Variants in ZFHX3 observed in about 807,000 individuals in gnomAD.
ZFHX3 encodes zinc finger homeobox protein 3.
ZFHX3 carries 42 observed loss-of-function variants against 279.1 expected under a neutral mutation model. That is an observed-to-expected ratio of 0.15 (90% confidence interval 0.12 to 0.19). The LOEUF (loss-of-function observed/expected upper bound fraction) is 0.19, where lower values mean the gene tolerates loss of function less well. Ranked by LOEUF, ZFHX3 falls within the 10% of genes least tolerant of loss-of-function variation. The probability of loss-of-function intolerance (pLI) is 1.00; values close to 1 mark genes in which losing one functional copy is unlikely to be tolerated. For missense variants in ZFHX3, 4,981 were observed against 4,754.0 expected (o/e 1.05, Z -1.40); for synonymous variants, 2,293 against 1,957.8 (o/e 1.17, Z -4.52).
intron 5 of ZFHX3, among the ~76,000 whole-genome samples, chr16:72,824,460 T>G (rs1283536671): frequency 6.6e-6 from 1 of 152,226 alleles, no homozygotes; most frequent in African/African-American, 2.4e-5. Context: ...ACTACCATTC[T>G]AACTCAAAAA....
chr16:73,650,414 G>C (rs1225439937), intron 2 of ZFHX3, among the ~76,000 whole-genome samples: 2 of 151,468 alleles, frequency 1.3e-5, no homozygotes, highest in African/African-American at 4.8e-5. Flanking sequence ...AACACCCTCA[G>C]AATAAGAGTA....
intron 7 of ZFHX3, among the ~76,000 whole-genome samples, chr16:73,112,951 C>T (rs560001154): frequency 6.6e-6 from 1 of 152,102 alleles, no homozygotes; most frequent in Admixed American, 6.6e-5. Flanking sequence ...GACCCAGCAC[C>T]CACAGCAGCC....
intron 8 of ZFHX3, among the ~76,000 whole-genome samples, chr16:73,091,518 G>A (rs1966081874): frequency 6.6e-6 from 1 of 151,998 alleles, no homozygotes; most frequent in Non-Finnish European, 1.5e-5. Flanking sequence ...GCAGTAGCCT[G>A]AGGTTGGCTA....
intron 3 of ZFHX3, among the ~76,000 whole-genome samples, chr16:73,348,371 G>T (rs530324715): frequency 2.6e-5 from 4 of 152,196 alleles, no homozygotes; most frequent in African/African-American, 9.6e-5. Context: ...TCTGGCAAGG[G>T]TCCTTCACCT....
At chr16:72,842,305 C>T (rs1206104088) in intron 4 of ZFHX3, among the ~76,000 whole-genome samples, 1 of 152,040 alleles carries the variant, frequency 6.6e-6, no homozygotes, top group African/African-American at 2.4e-5. Flanking sequence ...GCAGCCTTAG[C>T]CTCCTCGGCT....
intron 2 of ZFHX3, among the ~76,000 whole-genome samples, chr16:73,542,156 C>T (rs953200578): frequency 5.3e-5 from 8 of 151,958 alleles, no homozygotes; most frequent in African/African-American, 1.9e-4. Context: ...TTAGTGATGT[C>T]AAATCCCTTG....
At chr16:73,051,745 A>G (rs957296977), upstream of ZFHX3, among the ~76,000 whole-genome samples, 1 of 152,236 alleles carries the variant, frequency 6.6e-6, no homozygotes, top group African/African-American at 2.4e-5. Flanking sequence ...AAGTTTTAAG[A>G]AAGCCAAAAT....
chr16:72,921,002 T>C (rs1567584660), intron 3 of ZFHX3, among the ~76,000 whole-genome samples: 1 of 139,514 alleles, frequency 7.2e-6, no homozygotes, highest in African/African-American at 2.8e-5. Flanking sequence ...GGCCCAGGAG[T>C]TCAAGGCTAC....
At chr16:73,739,539 G>A (rs1345340214) in intron 1 of ZFHX3, among the ~76,000 whole-genome samples, 1 of 152,144 alleles carries the variant, frequency 6.6e-6, no homozygotes, top group Non-Finnish European at 1.5e-5. Flanking sequence ...TAGGAGATGA[G>A]GTGTCTGGAG....
chr16:73,155,562 C>T (rs748687947), intron 5 of ZFHX3, among the ~76,000 whole-genome samples: 1 of 152,160 alleles, frequency 6.6e-6, no homozygotes, highest in Non-Finnish European at 1.5e-5. Context: ...GTGGCTCATG[C>T]CTATAATCCC....
At chr16:72,847,075 T>C (rs1434399901) in intron 4 of ZFHX3, among the ~76,000 whole-genome samples, 1 of 152,208 alleles carries the variant, frequency 6.6e-6, no homozygotes, top group African/African-American at 2.4e-5. Context: ...AGAAATTAGT[T>C]ACTGACTGTT....
At chr16:73,084,514 ATTTT>A (rs34134596) in intron 8 of ZFHX3, among the ~76,000 whole-genome samples, 2 of 92,656 alleles carry the variant, frequency 2.2e-5, no homozygotes, top group African/African-American at 4.0e-5. Flanking sequence ...CTAGGACTAA[ATTTT>A]TTTTTTTTTT....
intron 2 of ZFHX3, among the ~76,000 whole-genome samples, chr16:73,640,008 A>G (rs2052560147): frequency 6.6e-6 from 1 of 152,176 alleles, no homozygotes; most frequent in East Asian, 1.9e-4. Context: ...TCGTGGAAAG[A>G]GCATTTGGAG....
intron 3 of ZFHX3, among the ~76,000 whole-genome samples, chr16:72,922,104 A>G (rs2039601251): frequency 6.6e-6 from 1 of 152,188 alleles, no homozygotes. Context: ...TCACCGAAAC[A>G]GCAGACCTTC....
intron 3 of ZFHX3, among the ~76,000 whole-genome samples, chr16:73,350,587 G>T (rs971490266): frequency 1.3e-5 from 2 of 152,222 alleles, no homozygotes; most frequent in African/African-American, 4.8e-5. Flanking sequence ...GCTTCAGGTA[G>T]CGAAGACTCA....
intron 2 of ZFHX3, among the ~76,000 whole-genome samples, chr16:73,490,622 G>A (rs937125507): frequency 2.0e-5 from 3 of 152,118 alleles, no homozygotes; most frequent in South Asian, 2.1e-4. Context: ...CAGATAGCTC[G>A]AGCCCAGGAG....
chr16:72,911,578 C>T (rs1431061850), intron 3 of ZFHX3, among the ~76,000 whole-genome samples: 3 of 152,142 alleles, frequency 2.0e-5, no homozygotes, highest in African/African-American at 7.2e-5. Flanking sequence ...AGACCCTCCG[C>T]GGATAACCCA....
intron 1 of ZFHX3, among the ~76,000 whole-genome samples, chr16:72,995,076 A>C (rs912343861): frequency 6.6e-6 from 1 of 152,230 alleles, no homozygotes; most frequent in Admixed American, 6.5e-5. Context: ...AATCACCAAA[A>C]ATGTAGACAG....
chr16:73,465,637 G>A (rs1356074103), intron 2 of ZFHX3, among the ~76,000 whole-genome samples: 1 of 152,146 alleles, frequency 6.6e-6, no homozygotes, highest in African/African-American at 2.4e-5. Context: ...CCCCAGGTGA[G>A]GAGCCCCTCT....
Sources: gnomAD v4.1 joint callset for allele counts (sites outside exome capture counted in the v4.1 genomes callset) on GRCh38, gnomAD v4.1.1 for gene constraint, MANE v1.5 for transcripts, NCBI Gene and HGNC (gene_info 2026-07-23, HGNC 2026-07-21) for gene names.